Variants in SLC9C1 observed in about 807,000 individuals in gnomAD.
The protein encoded by SLC9C1 is sodium/hydrogen exchanger 10.
In SLC9C1, 97 loss-of-function variants were observed where a neutral mutation model predicts 140.9. The ratio of observed to expected loss-of-function variants is 0.69; its 90% CI spans 0.58 to 0.82. The LOEUF (loss-of-function observed/expected upper bound fraction) is 0.82. Among genes scored for constraint, SLC9C1 ranks in the 40% least tolerant of loss-of-function variants. The probability of loss-of-function intolerance (pLI) is 0.00; values close to 1 mark genes in which losing one functional copy is unlikely to be tolerated. For missense variants in SLC9C1, 1,340 were observed against 1,389.3 expected (o/e 0.96, Z 0.56); for synonymous variants, 440 against 442.6 (o/e 0.99, Z 0.07).
intron 1 of SLC9C1, among the ~76,000 whole-genome samples, chr3:112,289,346 A>G (rs751978073): frequency 6.6e-6 from 1 of 152,228 alleles, no homozygotes; most frequent in African/African-American, 2.4e-5. Flanking sequence ...GAAAAGGTCT[A>G]TGGAAGTGAG....
chr3:112,226,708 TAA>T (rs993302948), intron 13 of SLC9C1, among the ~76,000 whole-genome samples: 5 of 117,218 alleles, frequency 4.3e-5, no homozygotes, highest in Admixed American at 9.5e-5. Flanking sequence ...GGCGATAGAG[TAA>T]GACTCCATCC....
chr3:112,209,278 TCC>T (rs1317540823), intron 15 of SLC9C1, among the ~76,000 whole-genome samples: 13 of 152,142 alleles, frequency 8.5e-5, no homozygotes, highest in African/African-American at 3.1e-4. Flanking sequence ...GCCAGGGCCC[TCC>T]AAGGCCTCTG....
chr3:112,194,928 C>A (rs1206323822), intron 20 of SLC9C1, among the ~76,000 whole-genome samples: 1 of 151,922 alleles, frequency 6.6e-6, no homozygotes, highest in East Asian at 1.9e-4. Context: ...TTATTGGCCA[C>A]TTGAGTGTCT....
intron 28 of SLC9C1, among the ~76,000 whole-genome samples, chr3:112,145,589 C>CTTTTTTTTTTT (rs61547345): frequency 1.1e-4 from 3 of 28,234 alleles, no homozygotes; most frequent in Admixed American, 5.1e-4. Context: ...CTGCCCTTGG[C>CTTTTTTTTTTT]TTTTTTTTTT....
At chr3:112,147,450 C>G (rs1387898489) in intron 28 of SLC9C1, 2 of 354,328 alleles carry the variant, frequency 5.6e-6, no homozygotes, top group Non-Finnish European at 1.1e-5. Flanking sequence ...GTTTAGAACT[C>G]TCTTAACAGT....
At chr3:112,190,964 C>CACACACACAT (rs1491260690) in intron 20 of SLC9C1, among the ~76,000 whole-genome samples, 4 of 89,132 alleles carry the variant, frequency 4.5e-5, no homozygotes, top group South Asian at 2.7e-4. Flanking sequence ...CACACACACA[C>CACACACACAT]ATATATATAT....
At position 112,228,189 on chromosome 3, in the gene SLC9C1, G is replaced by A. The variant is rs76861022; in HGVS notation, c.1572+3172C>T. Among the ~76,000 whole-genome samples the A allele has an allele frequency of 6.0e-3, 916 of 152,134 alleles. 13 individuals carry two copies. Among genetic ancestry groups the A allele is most frequent in the African/African-American group, 0.021 (876 of 41,528 alleles). On this transcript the variant is annotated intron_variant, in intron 13 of 28. Transcript: ENST00000305815. ...TAGCAACCAACACAGTATAGTACTT[G>A]CATAAAAACAGGCACACAGACCAAG...
chr3:112,169,258 ATT>A lies in SLC9C1; in HGVS notation c.2988_2989del (p.Lys996AsnfsTer21). 1 of 1,613,574 alleles carries A rather than the reference ATT, an allele frequency of 6.2e-7. No homozygotes were observed. Among genetic ancestry groups the A allele is most frequent in the Non-Finnish European group, 8.5e-7 (1 of 1,179,786 alleles). The stretch of plus-strand genomic sequence containing the variant: ...AATAGCGAGTCCAAGTTTTAGCCAC[ATT>A]TTTTGTTTAATGAGAGGAGAGCATT... On this transcript the variant is annotated frameshift_variant, in exon 24 of 29. Coordinates refer to ENST00000305815, the MANE Select transcript of SLC9C1 (RefSeq NM_183061.3). LOFTEE classifies it high-confidence loss of function.
chr3:112,161,757 CT>C (rs1560014743), intron 26 of SLC9C1, among the ~76,000 whole-genome samples: 1 of 151,814 alleles, frequency 6.6e-6, no homozygotes, highest in Admixed American at 6.6e-5. Context: ...GATGCGGGCT[CT>C]TTTTTGGTTC....
intron 2 of SLC9C1, among the ~76,000 whole-genome samples, chr3:112,281,643 T>C (rs2080359386): frequency 6.6e-6 from 1 of 152,200 alleles, no homozygotes; most frequent in Non-Finnish European, 1.5e-5. Context: ...TGAAGGGTGT[T>C]TTTCTTACAG....
chr3:112,192,839 G>A (rs1248432168), intron 20 of SLC9C1, among the ~76,000 whole-genome samples: 1 of 152,008 alleles, frequency 6.6e-6, no homozygotes, highest in Non-Finnish European at 1.5e-5. Context: ...CTGGTATTTT[G>A]TGTATCTGTT....
chr3:112,254,561 C>T (rs938543405), intron 10 of SLC9C1, among the ~76,000 whole-genome samples: 7 of 151,998 alleles, frequency 4.6e-5, no homozygotes, highest in Admixed American at 3.3e-4. Flanking sequence ...TGGTTACCAA[C>T]AGACTTGCCT....
At chr3:112,191,630 C>T (rs1446605466) in intron 20 of SLC9C1, among the ~76,000 whole-genome samples, 1 of 152,014 alleles carries the variant, frequency 6.6e-6, no homozygotes, top group East Asian at 1.9e-4. Context: ...CAGGTATGTT[C>T]ATCAGAAATA....
rs2080297749 is a variant in SLC9C1 at position 112,279,281 on chromosome 3, C to T, written c.190-424G>A. Among the ~76,000 whole-genome samples, 3 of 152,120 alleles carry T rather than the reference C, an allele frequency of 2.0e-5. No homozygotes were observed. In the South Asian group the frequency reaches 6.2e-4, roughly 32 times the overall value. On this transcript the variant is annotated intron_variant, in intron 3 of 28. Transcript: ENST00000305815. ...TTTCTCCACGGTTTATGCATACAGG[C>T]ATTGGTTGTTTTTCTTCCAGACTAT...
intron 10 of SLC9C1, among the ~76,000 whole-genome samples, chr3:112,259,958 G>A (rs1199622393): frequency 6.6e-6 from 1 of 151,974 alleles, no homozygotes; most frequent in African/African-American, 2.4e-5. Flanking sequence ...TTTACATTTT[G>A]TAAAATGCTT....
chr3:112,285,711 A>G (rs1219004734), intron 2 of SLC9C1, among the ~76,000 whole-genome samples: 1 of 152,200 alleles, frequency 6.6e-6, no homozygotes, highest in Non-Finnish European at 1.5e-5. Context: ...ATGCACATCA[A>G]GTCTACAAAC....
At chr3:112,156,569 C>T (rs1351560586) in intron 26 of SLC9C1, among the ~76,000 whole-genome samples, 2 of 151,826 alleles carry the variant, frequency 1.3e-5, no homozygotes, top group African/African-American at 2.4e-5. Flanking sequence ...TGGTAATTCT[C>T]GTTTTAGTTT....
At chr3:112,250,100 C>A (rs1389346297) in intron 10 of SLC9C1, among the ~76,000 whole-genome samples, 20 of 148,042 alleles carry the variant, frequency 1.4e-4, no homozygotes, top group African/African-American at 4.8e-4. Context: ...GTGTGATGTT[C>A]CCCTTCCTGT....
rs2077852691 is a variant in SLC9C1 at position 112,199,525 on chromosome 3, A to G, written c.2375-56T>C. On this transcript the variant is annotated intron_variant, in intron 19 of 28. Coordinates refer to ENST00000305815, the MANE Select transcript of SLC9C1 (RefSeq NM_183061.3). Reference sequence around the variant, plus strand: ...ATAAGAACATTGTTTTAAATGTTTTATGTGGACAATAAGCTAAGTTTCTGT... The same window carrying G: ...ATAAGAACATTGTTTTAAATGTTTTGTGTGGACAATAAGCTAAGTTTCTGT... 5 of 1,370,962 alleles carry G rather than the reference A, an allele frequency of 3.6e-6. No individual in the cohort carries two copies. The African/African-American group carries it at 5.9e-5, about 16-fold the overall frequency. The allele number at this position is 1,370,962 out of a possible 1,614,324, so 84.9% of individuals were successfully genotyped here.
Sources: allele counts gnomAD v4.1 joint callset (sites outside exome capture counted in the v4.1 genomes callset), GRCh38; gene constraint gnomAD v4.1.1; transcripts MANE v1.5; gene names NCBI Gene and HGNC (gene_info 2026-07-23, HGNC 2026-07-21).